The following TBC1D8 variants were observed in gnomAD, a reference collection of about 807,000 sequenced individuals.
TBC1D8 encodes the protein BUB2-like protein 1.
In TBC1D8, 65 loss-of-function variants were observed where a neutral mutation model predicts 118.8. That is an observed-to-expected ratio of 0.55 (90% CI 0.45 to 0.67). The LOEUF is 0.67. Ranked by LOEUF, TBC1D8 falls within the 30% of genes least tolerant of loss-of-function variation. The pLI is 0.00. For missense variants in TBC1D8, 1,376 were observed against 1,471.2 expected, an observed-to-expected ratio of 0.94 and a Z score of 1.06; for synonymous variants, 566 against 595.8, an observed-to-expected ratio of 0.95 and a Z score of 0.73.
intron 1 of TBC1D8, among the ~76,000 whole-genome samples, chr2:101,143,063 C>CTTTTTTTTTTTTTT (rs11454446): frequency 7.1e-6 from 1 of 140,000 alleles, no homozygotes; most frequent in Non-Finnish European, 1.5e-5. Flanking sequence ...CTTTCCTTTC[C>CTTTTTTTTTTTTTT]TTTTTTTTTT....
chr2:101,030,834 A>G (rs1558635169), intron 11 of TBC1D8, among the ~76,000 whole-genome samples: 1 of 152,246 alleles, frequency 6.6e-6, no homozygotes, highest in African/African-American at 2.4e-5. Flanking sequence ...TGCACCAACA[A>G]TGTGGCTGCC....
chr2:101,052,201 C>T (rs1174549705), intron 4 of TBC1D8, among the ~76,000 whole-genome samples: 1 of 152,128 alleles, frequency 6.6e-6, no homozygotes, highest in African/African-American at 2.4e-5. Flanking sequence ...AACATTTAGC[C>T]TGTGTCAATA....
At chr2:101,122,584 A>G (rs878970284) in intron 1 of TBC1D8, among the ~76,000 whole-genome samples, 1 of 152,100 alleles carries the variant, frequency 6.6e-6, no homozygotes, top group African/African-American at 2.4e-5. Context: ...ACTGAAAACA[A>G]TCTTTTCCAA....
At chr2:101,111,347 C>T (rs996088181) in intron 1 of TBC1D8, among the ~76,000 whole-genome samples, 3 of 152,174 alleles carry the variant, frequency 2.0e-5, no homozygotes, top group Non-Finnish European at 4.4e-5. Context: ...GATGCTCCGG[C>T]GGTGGCAACC....
At position 101,029,640 on chromosome 2, in the gene TBC1D8, C is replaced by A; in HGVS notation, c.2073G>T (p.Met691Ile). The A allele has an allele frequency of 6.2e-7, 1 of 1,613,992 alleles. No individual in the cohort carries two copies. Among genetic ancestry groups the A allele is most frequent in the South Asian group, 1.1e-5 (1 of 91,078 alleles). The change falls in exon 12 of 20, where the codon ATG becomes ATT. Residue 691 changes from methionine to isoleucine, a missense_variant. Coordinates refer to ENST00000409318, the MANE Select transcript of TBC1D8 (RefSeq NM_001330348.2). ...CCACATTCACCGCACTCTCTAGAGG[C>A]ATGATGCTGAGGAACAGGGTCAGGA... Reference protein sequence around the residue: ...SWFLTLFLSIMPLESAVNVVD... With the variant: ...SWFLTLFLSIIPLESAVNVVD...
intron 1 of TBC1D8, among the ~76,000 whole-genome samples, chr2:101,094,859 T>C (rs1360830870): frequency 6.6e-6 from 1 of 152,160 alleles, no homozygotes; most frequent in Admixed American, 6.5e-5. Flanking sequence ...TTTCTCAGAC[T>C]ATTCAGAGAA....
At chr2:101,141,529 A>T (rs1679100034) in intron 1 of TBC1D8, among the ~76,000 whole-genome samples, 1 of 152,206 alleles carries the variant, frequency 6.6e-6, no homozygotes, top group Non-Finnish European at 1.5e-5. Flanking sequence ...CTGACATCTC[A>T]GGATTTCCCT....
At chr2:101,109,096 G>A (rs1036862204) in intron 1 of TBC1D8, among the ~76,000 whole-genome samples, 12 of 152,198 alleles carry the variant, frequency 7.9e-5, no homozygotes, top group African/African-American at 2.9e-4. Context: ...GGGGGAGAGT[G>A]ACCCCCACAT....
At chr2:101,128,145 T>TA (rs1161632860) in intron 1 of TBC1D8, among the ~76,000 whole-genome samples, 1 of 152,212 alleles carries the variant, frequency 6.6e-6, no homozygotes, top group East Asian at 1.9e-4. Context: ...ACCTTAGGTA[T>TA]AGATGTAACT....
At chr2:101,122,413 CA>C (rs1415792348) in intron 1 of TBC1D8, among the ~76,000 whole-genome samples, 1 of 91,136 alleles carries the variant, frequency 1.1e-5, no homozygotes, top group Non-Finnish European at 2.3e-5. Context: ...AAAAAAAAAG[CA>C]TGGATAATGC....
rs551825655 is a variant in TBC1D8 at position 101,048,252 on chromosome 2, T to C, written c.872+2149A>G. Among the ~76,000 whole-genome samples, 9 of 152,306 alleles carry C rather than the reference T, an allele frequency of 5.9e-5. No homozygotes were observed. The South Asian group carries it at 1.9e-3, about 32-fold the overall frequency. ...GTAAGCTGCACTAAAAGGACTCAGA[T>C]ACCAACTACTGTAGAGGCATTTGAA... is the stretch of plus-strand genomic sequence containing the variant. On this transcript the variant is annotated intron_variant, in intron 5 of 19. Coordinates refer to ENST00000409318, the MANE Select transcript of TBC1D8 (RefSeq NM_001330348.2).
At chr2:101,136,699 G>A (rs935175278) in intron 1 of TBC1D8, among the ~76,000 whole-genome samples, 4 of 152,198 alleles carry the variant, frequency 2.6e-5, no homozygotes, top group Admixed American at 2.0e-4. Flanking sequence ...CTGGATTTAC[G>A]AAGATCTAGT....
intron 17 of TBC1D8, among the ~76,000 whole-genome samples, chr2:101,013,097 A>AATGG (rs1679354790): frequency 1.3e-5 from 2 of 152,216 alleles, no homozygotes; most frequent in South Asian, 4.1e-4. Flanking sequence ...GAAAGGCAGC[A>AATGG]ATTAATCCAG....
intron 1 of TBC1D8, among the ~76,000 whole-genome samples, chr2:101,123,643 C>T (rs935066): frequency 0.12 from 18,740 of 152,218 alleles, 1,272 homozygotes; most frequent in Non-Finnish European, 0.16. Context: ...ATGCTTCCCA[C>T]ACACTGGAAC....
At chr2:101,108,209 C>T (rs1677349699) in intron 1 of TBC1D8, among the ~76,000 whole-genome samples, 1 of 152,040 alleles carries the variant, frequency 6.6e-6, no homozygotes, top group Admixed American at 6.6e-5. Context: ...AGAAAAGCAT[C>T]GGATAAATCC....
At position 101,151,330 on chromosome 2, in the gene TBC1D8, G is replaced by A. The variant is rs878863601; in HGVS notation, c.-77C>T. 1.3e-5 allele frequency: 14 copies of A among 1,086,686 alleles called. No individual in the cohort carries two copies. The South Asian group carries it at 6.1e-4, about 47-fold the overall frequency. 67.3% of individuals were successfully genotyped at this position (1,086,686 alleles called of 1,614,324 possible). On this transcript the variant is annotated 5_prime_UTR_variant, in exon 1 of 20. Transcript: ENST00000409318. ...CGGTCGCTGTGAGCCGAGCCCGCTC[G>A]AGAGGCGACGGCGGCGCGCGGGGAC...
chr2:101,143,741 T>C (rs1679210459), intron 1 of TBC1D8, among the ~76,000 whole-genome samples: 1 of 152,172 alleles, frequency 6.6e-6, no homozygotes, highest in Admixed American at 6.5e-5. Flanking sequence ...CTGTATTTTT[T>C]TGTAGAGTCA....
intron 1 of TBC1D8, among the ~76,000 whole-genome samples, chr2:101,128,905 A>ATGGTTACCATAGAGGGAGGGAGCAG (rs569408617): frequency 6.6e-6 from 1 of 152,132 alleles, no homozygotes; most frequent in African/African-American, 2.4e-5. Flanking sequence ...AAGTAGAATG[A>ATGGTTACCATAGAGGGAGGGAGCAG]TGGTTACCAT....
chr2:101,084,879 C>T (rs1225041262), intron 2 of TBC1D8, among the ~76,000 whole-genome samples: 1 of 143,306 alleles, frequency 7.0e-6, no homozygotes, highest in African/African-American at 2.6e-5. Context: ...GACAGAGTCT[C>T]GCTCAGTCAC....
Sources: gnomAD v4.1 joint callset for allele counts (sites outside exome capture counted in the v4.1 genomes callset) on GRCh38, gnomAD v4.1.1 for gene constraint, MANE v1.5 for transcripts, NCBI Gene and HGNC (gene_info 2026-07-23, HGNC 2026-07-21) for gene names.